Variants in ADAMTSL1 observed in about 807,000 individuals in gnomAD.
The protein encoded by ADAMTSL1 is ADAMTS like 1.
In ADAMTSL1, 126 loss-of-function variants were observed where a neutral mutation model predicts 201.8. That is an observed-to-expected ratio of 0.62 (90% CI 0.54 to 0.72). The LOEUF is 0.72. ADAMTSL1 is among the 30% of genes least tolerant of loss of function. ADAMTSL1 has a pLI of 0.00. For synonymous variants in ADAMTSL1, 1,121 were observed against 903.4 expected, an observed-to-expected ratio of 1.24 and a Z score of -4.32; for missense variants, 2,679 against 2,277.8, an observed-to-expected ratio of 1.18 and a Z score of -3.59.
chr9:18,551,060 T>C (rs1335951160), intron 3 of ADAMTSL1, among the ~76,000 whole-genome samples: 2 of 151,808 alleles, frequency 1.3e-5, no homozygotes, highest in Non-Finnish European at 2.9e-5. Flanking sequence ...ACCAATTTAA[T>C]AGAAGCTAGG....
intron 3 of ADAMTSL1, among the ~76,000 whole-genome samples, chr9:18,557,223 G>C (rs1020736803): frequency 1.3e-5 from 2 of 152,006 alleles, no homozygotes; most frequent in African/African-American, 4.8e-5. Context: ...TTGCCAAGAA[G>C]ATTTGCATTA....
intron 3 of ADAMTSL1, among the ~76,000 whole-genome samples, chr9:18,535,265 A>G (rs1260084285): frequency 6.6e-6 from 1 of 152,202 alleles, no homozygotes; most frequent in Admixed American, 6.5e-5. Context: ...GCTAAAGCAT[A>G]AACAAGAGTC....
chr9:18,216,150 A>G (rs1303214966), intron 2 of ADAMTSL1, among the ~76,000 whole-genome samples: 2 of 152,178 alleles, frequency 1.3e-5, no homozygotes, highest in Non-Finnish European at 2.9e-5. Flanking sequence ...AACTACATCC[A>G]ATAATAACAA....
At chr9:18,020,118 C>G (rs1397814284) in intron 1 of ADAMTSL1, among the ~76,000 whole-genome samples, 1 of 151,984 alleles carries the variant, frequency 6.6e-6, no homozygotes, top group Admixed American at 6.6e-5. Context: ...AGGAGCTATA[C>G]TCAGTATAGC....
chr9:18,303,391 A>T (rs1430861366), intron 2 of ADAMTSL1, among the ~76,000 whole-genome samples: 2 of 152,196 alleles, frequency 1.3e-5, no homozygotes, highest in Admixed American at 1.3e-4. Context: ...GTCTTTCTTC[A>T]ACAGGTTTCC....
chr9:18,125,617 G>T (rs1191664248), intron 1 of ADAMTSL1, among the ~76,000 whole-genome samples: 2 of 152,110 alleles, frequency 1.3e-5, no homozygotes, highest in Non-Finnish European at 2.9e-5. Context: ...CGAGATAAGG[G>T]TCCAACTTAA....
At chr9:18,830,010 A>G in intron 23 of ADAMTSL1, 33 bp downstream of exon 23, 1 of 1,579,228 alleles carries the variant, frequency 6.3e-7, no homozygotes, top group East Asian at 2.3e-5. Context: ...TTGGGCAGAA[A>G]GCCAGGACTG....
chr9:18,577,146 C>G (rs2132385118), intron 4 of ADAMTSL1, among the ~76,000 whole-genome samples: 1 of 152,186 alleles, frequency 6.6e-6, no homozygotes, highest in Middle Eastern at 3.4e-3. Flanking sequence ...CTATCATGGC[C>G]AGATTCACTT....
chr9:18,578,400 T>G (rs1317027684), intron 4 of ADAMTSL1, among the ~76,000 whole-genome samples: 7 of 152,134 alleles, frequency 4.6e-5, no homozygotes, highest in African/African-American at 1.4e-4. Context: ...TGAGAAACAC[T>G]GGGATTCTTA....
chr9:18,235,053 CA>C, intron 2 of ADAMTSL1, among the ~76,000 whole-genome samples: 1 of 152,110 alleles, frequency 6.6e-6, no homozygotes, highest in Non-Finnish European at 1.5e-5. Context: ...TGCTGTTAAC[CA>C]AATCCTAAAT....
intron 4 of ADAMTSL1, among the ~76,000 whole-genome samples, chr9:18,595,250 G>C (rs564185484): frequency 6.6e-6 from 1 of 152,320 alleles, no homozygotes; most frequent in South Asian, 2.1e-4. Context: ...CCTTACTGCA[G>C]TGAAAGGGGC....
intron 2 of ADAMTSL1, among the ~76,000 whole-genome samples, chr9:18,285,306 A>G (rs940387878): frequency 6.6e-6 from 1 of 152,260 alleles, no homozygotes; most frequent in Non-Finnish European, 1.5e-5. Flanking sequence ...AATACTTTAT[A>G]TGTTATCTAA....
At chr9:18,882,520 G>C (rs557333845) in intron 23 of ADAMTSL1, among the ~76,000 whole-genome samples, 1 of 152,306 alleles carries the variant, frequency 6.6e-6, no homozygotes, top group African/African-American at 2.4e-5. Context: ...ATTAGGGTTG[G>C]AGGGTATAGG....
intron 13 of ADAMTSL1, among the ~76,000 whole-genome samples, chr9:18,690,950 A>G (rs1163423101): frequency 2.0e-5 from 3 of 152,246 alleles, no homozygotes; most frequent in East Asian, 1.9e-4. Flanking sequence ...ATGCCATGCT[A>G]TGTACCAGGT....
At chr9:18,204,545 C>A (rs1379848139) in intron 2 of ADAMTSL1, among the ~76,000 whole-genome samples, 1 of 152,092 alleles carries the variant, frequency 6.6e-6, no homozygotes, top group African/African-American at 2.4e-5. Context: ...ATAGTATGCA[C>A]TTGAGAAATT....
At chr9:18,190,031 G>T (rs1466854580) in intron 2 of ADAMTSL1, among the ~76,000 whole-genome samples, 1 of 152,204 alleles carries the variant, frequency 6.6e-6, no homozygotes, top group Non-Finnish European at 1.5e-5. Flanking sequence ...GAATGAGCCT[G>T]GTCAGGTTTC....
chr9:18,582,452 G>T (rs1823160311), intron 4 of ADAMTSL1, among the ~76,000 whole-genome samples: 1 of 152,222 alleles, frequency 6.6e-6, no homozygotes, highest in African/African-American at 2.4e-5. Flanking sequence ...CCCACATGTT[G>T]TGGGAGGAAC....
At chr9:18,684,313 T>C (rs1830694003) in intron 12 of ADAMTSL1, among the ~76,000 whole-genome samples, 1 of 152,036 alleles carries the variant, frequency 6.6e-6, no homozygotes, top group South Asian at 2.1e-4. Flanking sequence ...AAAAAAAAAG[T>C]TAGAATTTAT....
intron 2 of ADAMTSL1, among the ~76,000 whole-genome samples, chr9:18,289,111 T>G (rs187956705): frequency 6.6e-6 from 1 of 151,426 alleles, no homozygotes; most frequent in African/African-American, 2.4e-5. Flanking sequence ...CTAATACATA[T>G]CTTATTGGTG....
Sources: allele counts gnomAD v4.1 joint callset (sites outside exome capture counted in the v4.1 genomes callset), GRCh38; gene constraint gnomAD v4.1.1; transcripts MANE v1.5; gene names NCBI Gene and HGNC (gene_info 2026-07-23, HGNC 2026-07-21).